SUSD1: variants seen among roughly 807,000 people sequenced by gnomAD.
SUSD1 encodes the protein sushi domain-containing protein 1.
Under a neutral mutation model 86.9 loss-of-function variants are expected in SUSD1, and 65 were observed. That is an observed-to-expected ratio of 0.75 (90% CI 0.61 to 0.92). The LOEUF is 0.92. Ranked by LOEUF, SUSD1 falls within the 40% of genes least tolerant of loss-of-function variation. The pLI is 0.00. For missense variants in SUSD1, 850 were observed against 929.7 expected, an observed-to-expected ratio of 0.91 and a Z score of 1.11; for synonymous variants, 346 against 350.0, an observed-to-expected ratio of 0.99 and a Z score of 0.13.
chr9:112,090,225 G>C (rs1205491143), intron 10 of SUSD1, among the ~76,000 whole-genome samples: 3 of 152,162 alleles, frequency 2.0e-5, no homozygotes, highest in African/African-American at 7.2e-5. Context: ...CTACTTTGCA[G>C]ATCAGTGTAC....
At chr9:112,167,585 T>A (rs1459957575) in intron 1 of SUSD1, among the ~76,000 whole-genome samples, 1 of 152,238 alleles carries the variant, frequency 6.6e-6, no homozygotes, top group African/African-American at 2.4e-5. Context: ...GTGCCTGGTA[T>A]TTGGCATGGT....
intron 3 of SUSD1, among the ~76,000 whole-genome samples, chr9:112,147,607 A>G (rs1429766060): frequency 6.6e-6 from 1 of 152,108 alleles, no homozygotes; most frequent in African/African-American, 2.4e-5. Flanking sequence ...CGTCTCTCCT[A>G]AAAGTACAAA....
At chr9:112,138,281 G>GTGTATATACATATATATATATGT (rs1491304710) in intron 5 of SUSD1, among the ~76,000 whole-genome samples, 12 of 47,240 alleles carry the variant, frequency 2.5e-4, no homozygotes, top group East Asian at 9.4e-4. Flanking sequence ...ATATATATAT[G>GTGTATATACATATATATATATGT]AAGTCCAGGA....
At chr9:112,096,552 C>T (rs1412921664) in intron 10 of SUSD1, among the ~76,000 whole-genome samples, 1 of 152,102 alleles carries the variant, frequency 6.6e-6, no homozygotes, top group East Asian at 1.9e-4. Flanking sequence ...ATTCTTATTT[C>T]TTTATCTGAG....
chr9:112,078,749 G>T (rs952967796), intron 11 of SUSD1, 25 bp from the exon 12 acceptor site: 41 of 1,601,514 alleles, frequency 2.6e-5, no homozygotes, highest in Non-Finnish European at 3.4e-5. Context: ...AGCTCACTGG[G>T]TGAATGGTTG....
At chr9:112,095,832 T>A (rs1311515805) in intron 10 of SUSD1, among the ~76,000 whole-genome samples, 3 of 152,206 alleles carry the variant, frequency 2.0e-5, no homozygotes, top group Non-Finnish European at 4.4e-5. Context: ...TGGGGTGTCC[T>A]GCCCAGAAAG....
chr9:112,041,981 CT>C (rs1331405720), intron 15 of SUSD1, 21 bp from the exon 16 acceptor site: 21 of 1,612,122 alleles, frequency 1.3e-5, no homozygotes, highest in Non-Finnish European at 1.8e-5. Flanking sequence ...AAACCACAGG[CT>C]TAGCCCAGAG....
Position 112,058,572 on chromosome 9 carries a change from T to G in SUSD1, c.1965A>C (p.Ala655=), listed in dbSNP as rs748728248. Residue 655 remains alanine (A), a synonymous_variant, in exon 14 of 17, where the codon GCA becomes GCC. Coordinates refer to ENST00000374270, the MANE Select transcript of SUSD1 (RefSeq NM_022486.5). The part of the protein sequence containing the change: ...NASDADGYVA[A]ELLAKDVPDD... ...CTGGAACATCTTTGGCCAGTAGTTC[T>G]GCAGCCACGTATCCATCAGCATCAG... 4 of 1,614,192 alleles carry G rather than the reference T, an allele frequency of 2.5e-6. No individual in the cohort carries two copies. In the Admixed American group the frequency reaches 5.0e-5, roughly 20 times the overall value.
At chr9:112,085,167 AAGC>A (rs1829925170) in intron 10 of SUSD1, among the ~76,000 whole-genome samples, 3 of 152,206 alleles carry the variant, frequency 2.0e-5, no homozygotes, top group Non-Finnish European at 4.4e-5. Context: ...GGGGAAAGCT[AAGC>A]AAATGGTATT....
At chr9:112,067,253 A>C (rs1829023698) in intron 12 of SUSD1, among the ~76,000 whole-genome samples, 1 of 152,222 alleles carries the variant, frequency 6.6e-6, no homozygotes, top group African/African-American at 2.4e-5. Context: ...TACAATGTCC[A>C]TCCTCCCAGG....
chr9:112,135,761 C>T (rs1383502484), intron 5 of SUSD1, among the ~76,000 whole-genome samples: 1 of 152,148 alleles, frequency 6.6e-6, no homozygotes, highest in Non-Finnish European at 1.5e-5. Flanking sequence ...GAAAATGGCC[C>T]ACTTGCTCAT....
chr9:112,078,470 C>T, intron 12 of SUSD1, 68 bp downstream of exon 12: 1 of 1,443,646 alleles, frequency 6.9e-7, no homozygotes, highest in Non-Finnish European at 9.5e-7. Context: ...CAGTGTTCCT[C>T]TTTATCAGGA....
At chr9:112,124,579 A>G (rs1831691629) in intron 5 of SUSD1, 143 bp from the exon 6 acceptor site, 3 of 727,324 alleles carry the variant, frequency 4.1e-6, no homozygotes, top group Non-Finnish European at 4.1e-6. Context: ...ATAATCCAAT[A>G]TAAGTATGTC....
intron 5 of SUSD1, among the ~76,000 whole-genome samples, chr9:112,140,455 G>A (rs1385305278): frequency 6.6e-6 from 1 of 151,530 alleles, no homozygotes; most frequent in Non-Finnish European, 1.5e-5. Flanking sequence ...TGGGAGGATG[G>A]CTTGAGCCCA....
chr9:112,058,448 T>C lies in SUSD1; in HGVS notation c.2089A>G (p.Ile697Val), dbSNP rs964696150. The C allele has an allele frequency of 2.5e-6, 4 of 1,613,918 alleles. No homozygotes were observed. Among genetic ancestry groups the C allele is most frequent in the African/African-American group, 1.3e-5 (1 of 74,930 alleles). Reference protein sequence around the residue: ...RGSDYCIILRITSEWNKVRRH... With the variant: ...RGSDYCIILRVTSEWNKVRRH... ...GATACCTTATTCCATTCACTTGTGA[T>C]TCGTAATATAATGCAGTAATCACTC... Residue 697 changes from isoleucine to valine, a missense_variant, in exon 14 of 17, where the codon ATC becomes GTC. Ile to Val is a conservative substitution (Grantham distance 29). Coordinates refer to ENST00000374270, the MANE Select transcript of SUSD1 (RefSeq NM_022486.5).
chr9:112,149,457 C>G, intron 2 of SUSD1, 58 bp from the exon 3 acceptor site: 1 of 1,580,530 alleles, frequency 6.3e-7, no homozygotes, highest in Non-Finnish European at 8.6e-7. Context: ...ACTTCAACAG[C>G]CCAGACTGTC....
intron 10 of SUSD1, among the ~76,000 whole-genome samples, chr9:112,094,867 A>G (rs896621620): frequency 6.6e-6 from 1 of 152,256 alleles, no homozygotes; most frequent in Non-Finnish European, 1.5e-5. Flanking sequence ...AAAGAGAATC[A>G]TCAGTGAATG....
At chr9:112,057,452 T>C (rs1801289747) in intron 14 of SUSD1, among the ~76,000 whole-genome samples, 1 of 152,208 alleles carries the variant, frequency 6.6e-6, no homozygotes, top group African/African-American at 2.4e-5. Context: ...AAACCCCAAG[T>C]AATTTTCTAA....
intron 12 of SUSD1, among the ~76,000 whole-genome samples, chr9:112,066,587 A>G (rs935544736): frequency 6.6e-6 from 1 of 152,088 alleles, no homozygotes; most frequent in African/African-American, 2.4e-5. Flanking sequence ...GAAAGCTGCA[A>G]CCCTGTAATC....
Sources: allele counts gnomAD v4.1 joint callset (sites outside exome capture counted in the v4.1 genomes callset), GRCh38; gene constraint gnomAD v4.1.1; transcripts MANE v1.5; gene names NCBI Gene and HGNC (gene_info 2026-07-23, HGNC 2026-07-21).